The following KNTC1 variants were observed in gnomAD, a reference collection of about 807,000 sequenced individuals.
KNTC1 encodes kinetochore-associated protein 1.
A neutral mutation model predicts 314.4 loss-of-function variants in KNTC1; 253 were observed. That is an observed-to-expected ratio of 0.80 (90% CI 0.73 to 0.89). The LOEUF (loss-of-function observed/expected upper bound fraction) is 0.89, where lower values mean the gene tolerates loss of function less well. KNTC1 is among the 40% of genes least tolerant of loss of function. The pLI is 0.00. For missense variants in KNTC1, 2,475 were observed against 2,572.9 expected (o/e 0.96, Z 0.82); for synonymous variants, 901 against 901.4 (o/e 1.00, Z 0.01).
chr12:122,577,938 T>G, intron 31 of KNTC1, 147 bp downstream of exon 31: 2 of 647,532 alleles, frequency 3.1e-6, no homozygotes, highest in Non-Finnish European at 4.8e-6. Flanking sequence ...GTAAATTTAC[T>G]ACTAGGAGAA....
At chr12:122,588,689 A>AT (rs777091531) in intron 39 of KNTC1, 23 bp from the exon 40 acceptor site, 117 of 1,469,422 alleles carry the variant, frequency 8.0e-5, no homozygotes, top group Middle Eastern at 5.3e-4. Flanking sequence ...AGACCTAAAT[A>AT]TTTTTTTCTT....
chr12:122,564,833 T>C (rs1008360379), intron 20 of KNTC1, among the ~76,000 whole-genome samples: 3 of 152,220 alleles, frequency 2.0e-5, no homozygotes, highest in Admixed American at 2.0e-4. Flanking sequence ...CCATATCTTC[T>C]AATTGCTCAT....
chr12:122,552,100 G>T (rs1963240311), intron 16 of KNTC1, among the ~76,000 whole-genome samples: 1 of 152,024 alleles, frequency 6.6e-6, no homozygotes, highest in Non-Finnish European at 1.5e-5. Context: ...TAAAGATGGG[G>T]TTTCACCATT....
intron 43 of KNTC1, among the ~76,000 whole-genome samples, chr12:122,596,242 C>T (rs1029095521): frequency 5.3e-5 from 8 of 151,748 alleles, no homozygotes; most frequent in East Asian, 1.9e-4. Flanking sequence ...GCCACCATGC[C>T]GGGTTAATTA....
chr12:122,619,875 T>C (rs1469519862), intron 59 of KNTC1, among the ~76,000 whole-genome samples: 1 of 152,032 alleles, frequency 6.6e-6, no homozygotes, highest in Non-Finnish European at 1.5e-5. Flanking sequence ...TCGCATATAT[T>C]TTGAGTCTTC....
chr12:122,580,024 A>G (rs1965299324), intron 32 of KNTC1, 47 bp downstream of exon 32: 4 of 1,303,580 alleles, frequency 3.1e-6, no homozygotes, highest in Non-Finnish European at 4.4e-6. Flanking sequence ...TCCAAAGCTC[A>G]CCCTCTTCAG....
chr12:122,540,769 T>A (rs1962243263), intron 5 of KNTC1, among the ~76,000 whole-genome samples: 1 of 152,176 alleles, frequency 6.6e-6, no homozygotes, highest in Non-Finnish European at 1.5e-5. Context: ...AAGTTTGTTG[T>A]TTTAATAAAA....
intron 1 of KNTC1, among the ~76,000 whole-genome samples, chr12:122,528,040 C>G (rs1257612056): frequency 2.0e-5 from 3 of 152,284 alleles, no homozygotes; most frequent in African/African-American, 4.8e-5. Flanking sequence ...CCCGCAAAAA[C>G]ATAAACTTCA....
At chr12:122,552,690 A>G (rs1963288323) in intron 16 of KNTC1, among the ~76,000 whole-genome samples, 1 of 152,168 alleles carries the variant, frequency 6.6e-6, no homozygotes, top group African/African-American at 2.4e-5. Context: ...TTTGCAGGTG[A>G]TAGGAACCTG....
Position 122,602,628 on chromosome 12 carries a change from A to G in KNTC1, c.4713A>G (p.Leu1571=). The change falls in exon 46 of 64, where the codon CTA becomes CTG. Residue 1571 remains leucine (L), a synonymous_variant. Transcript: ENST00000333479. The part of the protein sequence containing the change: ...SYRRISPPVD[L]EYQYMLEHVI... ...GAAGAATTTCTCCTCCCGTGGATCT[A>G]GAATATCAGTATATGTTGGAACATG... 6.2e-7 allele frequency: 1 copy of G among 1,611,860 alleles called. No homozygotes were observed. The highest frequency in any genetic ancestry group is 8.5e-7 in the Non-Finnish European group (1 of 1,177,966).
chr12:122,612,272 G>A (rs1318325299), intron 53 of KNTC1, among the ~76,000 whole-genome samples: 7 of 151,574 alleles, frequency 4.6e-5, no homozygotes, highest in Non-Finnish European at 8.8e-5. Context: ...CACCATGTTG[G>A]CCAGGCTGGT....
Position 122,539,695 on chromosome 12 carries a change from A to G in KNTC1, c.386A>G (p.Asn129Ser), listed in dbSNP as rs919548559. 2 of 1,578,678 alleles carry G rather than the reference A, an allele frequency of 1.3e-6. No individual in the cohort carries two copies. The highest frequency in any genetic ancestry group is 1.4e-5 in the African/African-American group (1 of 73,978). ...ATTTAGGCATTTGTTCAGAAAGCTA[A>G]CGATGAAAATCGGCGGACTTACCAG... ...LLTNAFVQKA[N>S]DENRRTYQNL... Residue 129 changes from asparagine (N) to serine (S), a missense_variant, in exon 5 of 64, where the codon AAC (asparagine) becomes AGC (serine). Physicochemically the swap from Asn to Ser is conservative, Grantham distance 46. Transcript: ENST00000333479.
Position 122,587,821 on chromosome 12 carries a change from A to G in KNTC1, c.3841A>G (p.Thr1281Ala), listed in dbSNP as rs1869587797. Residue 1281 changes from threonine (T) to alanine (A), a missense_variant, in exon 39 of 64, where the codon ACC (threonine) becomes GCC (alanine). Thr to Ala is a moderately conservative substitution (Grantham distance 58). Coordinates refer to ENST00000333479, the MANE Select transcript of KNTC1 (RefSeq NM_014708.6). ...AAGATTTGTGGTTGGTTCATTTGGT[A>G]CCTGTCTTCAGCACTCTGTGTCAAA... The part of the protein sequence containing the change: ...ALRFVVGSFG[T>A]CLQHSVSNFM... 1 of 1,613,802 alleles carries G rather than the reference A, an allele frequency of 6.2e-7. No individual in the cohort carries two copies. The highest frequency in any genetic ancestry group is 2.2e-5 in the East Asian group (1 of 44,874).
chr12:122,626,161 C>T, intron 63 of KNTC1, 44 bp from the exon 64 acceptor site: 2 of 1,420,180 alleles, frequency 1.4e-6, no homozygotes, highest in Middle Eastern at 3.8e-4. Context: ...ATTTGAAAAA[C>T]TAAGTGACTT....
At chr12:122,596,170 C>A (rs951291518) in intron 43 of KNTC1, among the ~76,000 whole-genome samples, 1 of 150,954 alleles carries the variant, frequency 6.6e-6, no homozygotes, top group African/African-American at 2.4e-5. Context: ...GCAACCTCCA[C>A]CTCCTGGGCT....
chr12:122,621,341 G>A (rs756669450), intron 60 of KNTC1, among the ~76,000 whole-genome samples: 1 of 152,110 alleles, frequency 6.6e-6, no homozygotes, highest in African/African-American at 2.4e-5. Context: ...ATGCATTCAG[G>A]CTTTTTCGTT....
Position 122,530,140 on chromosome 12 carries a change from A to C in KNTC1, c.77A>C (p.His26Pro), listed in dbSNP as rs201024338. 1 of 1,613,732 alleles carries C rather than the reference A, an allele frequency of 6.2e-7. No homozygotes were observed. The highest frequency in any genetic ancestry group is 8.5e-7 in the Non-Finnish European group (1 of 1,179,670). ...CTGAGTGTCGGTTCAAGAAAAGAAC[A>C]TGGAACTGCTTTATATCAAGTAGAT... Reference protein sequence around the residue: ...GYLSVGSRKEHGTALYQVDLL... With the variant: ...GYLSVGSRKEPGTALYQVDLL... Residue 26 changes from histidine (H) to proline (P), a missense_variant, in exon 2 of 64, where the codon CAT becomes CCT. Transcript: ENST00000333479.
In KNTC1 at chr12:122,626,317, C is replaced by T; in HGVS notation, c.*89C>T. ...TATTACAGTTTTTAAATTGTACAAT[C>T]TCTGTATTATAGCTATTTGTCTAAC... is the stretch of plus-strand genomic sequence containing the variant. On this transcript the variant is annotated 3_prime_UTR_variant, in exon 64 of 64. Coordinates refer to ENST00000333479, the MANE Select transcript of KNTC1 (RefSeq NM_014708.6). The T allele has an allele frequency of 1.1e-6, 1 of 877,912 alleles. No homozygotes were observed. The highest frequency in any genetic ancestry group is 1.5e-5 in the South Asian group (1 of 68,336). The allele number at this position is 877,912 out of a possible 1,614,324, so 54.4% of individuals were successfully genotyped here. A position where few individuals can be genotyped will look rare whatever the true frequency, so the allele number is the denominator to read the frequency against.
Position 122,584,952 on chromosome 12 carries a change from A to G in KNTC1, c.3496A>G (p.Arg1166Gly). ...TACTTTAATGGCTGTAGAGCTTTCC[A>G]GACAATGCCAAATGGATGACTGTGG... ...KHTLMAVELS[R>G]QCQMDDCGIL... The change falls in exon 36 of 64, where the codon AGA (arginine) becomes GGA (glycine). Residue 1166 changes from arginine (R) to glycine (G), a missense_variant. By Grantham distance (125) the Arg-to-Gly change is moderately radical. Transcript: ENST00000333479. The G allele has an allele frequency of 6.2e-7, 1 of 1,606,942 alleles. No individual in the cohort carries two copies. The highest frequency in any genetic ancestry group is 8.5e-7 in the Non-Finnish European group (1 of 1,173,608).
Sources: allele counts gnomAD v4.1 joint callset (sites outside exome capture counted in the v4.1 genomes callset), GRCh38; gene constraint gnomAD v4.1.1; transcripts MANE v1.5; gene names NCBI Gene and HGNC (gene_info 2026-07-23, HGNC 2026-07-21).